LRP1B: variants seen among roughly 807,000 people sequenced by gnomAD.
LRP1B encodes the protein low-density lipoprotein receptor-related protein 1B.
In LRP1B, 217 loss-of-function variants were observed where a neutral mutation model predicts 556.6. That is an observed-to-expected ratio of 0.39 (90% CI 0.35 to 0.44). The LOEUF is 0.44. LRP1B is among the 20% of genes least tolerant of loss of function. The probability of loss-of-function intolerance (pLI) is 1.00; values close to 1 mark genes in which losing one functional copy is unlikely to be tolerated. For missense variants in LRP1B, 5,053 were observed against 5,620.8 expected (o/e 0.90, Z 3.23); for synonymous variants, 2,047 against 1,865.8 (o/e 1.10, Z -2.50).
chr2:140,836,779 T>C (rs549576478), intron 31 of LRP1B, among the ~76,000 whole-genome samples: 2 of 152,324 alleles, frequency 1.3e-5, no homozygotes, highest in South Asian at 4.1e-4. Flanking sequence ...ATTGCATTTA[T>C]ATATGGACAA....
intron 2 of LRP1B, among the ~76,000 whole-genome samples, chr2:141,510,911 C>CCCCCCA (rs1553524356): frequency 6.9e-6 from 1 of 144,654 alleles, no homozygotes; most frequent in Non-Finnish European, 1.5e-5. Context: ...CACACACACC[C>CCCCCCA]CACACAAACA....
At chr2:140,291,057 A>C (rs1683349937) in intron 84 of LRP1B, among the ~76,000 whole-genome samples, 1 of 151,916 alleles carries the variant, frequency 6.6e-6, no homozygotes, top group African/African-American at 2.4e-5. Context: ...ATATTAGATA[A>C]AATAATGTGT....
intron 3 of LRP1B, among the ~76,000 whole-genome samples, chr2:141,273,847 T>C (rs910851792): frequency 1.3e-5 from 2 of 152,172 alleles, no homozygotes; most frequent in African/African-American, 4.8e-5. Flanking sequence ...GTATTCAGAA[T>C]ATACAAATAA....
chr2:141,513,308 GC>G, intron 2 of LRP1B, among the ~76,000 whole-genome samples: 1 of 151,742 alleles, frequency 6.6e-6, no homozygotes, highest in East Asian at 1.9e-4. Flanking sequence ...CATCATCTTG[GC>G]TTTTATAGAA....
chr2:140,321,004 C>T (rs940599805), intron 82 of LRP1B, among the ~76,000 whole-genome samples: 16 of 151,912 alleles, frequency 1.1e-4, no homozygotes, highest in Admixed American at 2.0e-4. Context: ...TGCAGTGAGC[C>T]GAGATCATGC....
rs185566483 is a variant in LRP1B at position 140,567,220 on chromosome 2, T to C, written c.7195-25249A>G. On this transcript the variant is annotated intron_variant, in intron 43 of 90. Transcript: ENST00000389484. ...GTACAATTATTATTGAGCTGCCCCTTGCCCCCAGGGTCCAAGCAACAGCTG... is the reference window on the plus strand; with the variant it reads ...GTACAATTATTATTGAGCTGCCCCTCGCCCCCAGGGTCCAAGCAACAGCTG... 2.5e-3 allele frequency among the ~76,000 whole-genome samples: 379 copies of C among 152,242 alleles called. 1 individual carries two copies. The highest frequency in any genetic ancestry group is 8.7e-3 in the African/African-American group (362 of 41,544).
At chr2:141,133,312 A>C (rs1272364315) in intron 7 of LRP1B, among the ~76,000 whole-genome samples, 1 of 138,008 alleles carries the variant, frequency 7.2e-6, no homozygotes, top group Non-Finnish European at 1.6e-5. Context: ...TTTCCACAAT[A>C]CTGTATGCCA....
chr2:141,667,141 A>T (rs537976409), intron 2 of LRP1B, among the ~76,000 whole-genome samples: 3 of 152,242 alleles, frequency 2.0e-5, no homozygotes, highest in African/African-American at 7.2e-5. Flanking sequence ...CCCAATTTAC[A>T]TTTTAATGAG....
chr2:141,827,099 A>AT (rs1203175657), intron 1 of LRP1B, among the ~76,000 whole-genome samples: 2 of 152,206 alleles, frequency 1.3e-5, no homozygotes, highest in African/African-American at 2.4e-5. Context: ...GAAAATTTAG[A>AT]TTTTAAATAA....
At chr2:141,314,626 C>G (rs1165841744) in intron 3 of LRP1B, among the ~76,000 whole-genome samples, 1 of 150,536 alleles carries the variant, frequency 6.6e-6, no homozygotes, top group Non-Finnish European at 1.5e-5. Context: ...CCCGTTTCTA[C>G]TAAAAATAGA....
intron 7 of LRP1B, among the ~76,000 whole-genome samples, chr2:141,162,744 T>C (rs1651015789): frequency 1.3e-5 from 2 of 152,128 alleles, no homozygotes; most frequent in South Asian, 2.1e-4. Context: ...GGCATCTAGA[T>C]GTTTTGTAAA....
At chr2:141,375,563 C>T (rs1689397760) in intron 3 of LRP1B, among the ~76,000 whole-genome samples, 1 of 152,094 alleles carries the variant, frequency 6.6e-6, no homozygotes, top group African/African-American at 2.4e-5. Context: ...GCTCCAGTCC[C>T]AGGGCTGCTG....
chr2:142,110,520 T>C (rs1173280720), intron 1 of LRP1B, among the ~76,000 whole-genome samples: 2 of 152,124 alleles, frequency 1.3e-5, no homozygotes, highest in African/African-American at 2.4e-5. Context: ...GGAGAAACCC[T>C]CAGTTCTAAT....
At chr2:140,805,706 T>C (rs1264372186) in intron 32 of LRP1B, among the ~76,000 whole-genome samples, 1 of 152,176 alleles carries the variant, frequency 6.6e-6, no homozygotes, top group East Asian at 1.9e-4. Context: ...TGATCACTAA[T>C]GGATGGATCA....
chr2:141,383,442 C>T (rs1410835758), intron 3 of LRP1B, among the ~76,000 whole-genome samples: 2 of 152,032 alleles, frequency 1.3e-5, no homozygotes, highest in East Asian at 3.8e-4. Context: ...TCACAATGGC[C>T]AGGTTATGGA....
chr2:140,544,457 ATCCTCTCGC>A (rs1680251845), intron 43 of LRP1B, among the ~76,000 whole-genome samples: 1 of 151,884 alleles, frequency 6.6e-6, no homozygotes, highest in South Asian at 2.1e-4. Context: ...ATTTTTCCTG[ATCCTCTCGC>A]TCCTCTCACC....
intron 2 of LRP1B, among the ~76,000 whole-genome samples, chr2:141,786,346 G>C (rs1383955984): frequency 2.0e-5 from 3 of 152,010 alleles, no homozygotes; most frequent in Non-Finnish European, 4.4e-5. Flanking sequence ...AGAGAAAGGA[G>C]AACTGTGGAA....
At chr2:141,869,155 T>C (rs1698503170) in intron 1 of LRP1B, among the ~76,000 whole-genome samples, 1 of 152,104 alleles carries the variant, frequency 6.6e-6, no homozygotes, top group Admixed American at 6.6e-5. Flanking sequence ...TGCCATCCGA[T>C]AGAATGTGCA....
chr2:141,180,667 C>A (rs1680948972), intron 7 of LRP1B, among the ~76,000 whole-genome samples: 1 of 151,752 alleles, frequency 6.6e-6, no homozygotes, highest in African/African-American at 2.4e-5. Flanking sequence ...CCCACCCCAG[C>A]CTCTTATCAG....
Sources: allele counts gnomAD v4.1 joint callset (sites outside exome capture counted in the v4.1 genomes callset), GRCh38; gene constraint gnomAD v4.1.1; transcripts MANE v1.5; gene names NCBI Gene and HGNC (gene_info 2026-07-23, HGNC 2026-07-21).